CADPS2: variants seen among roughly 807,000 people sequenced by gnomAD.
CADPS2 encodes the protein calcium dependent secretion activator 2.
CADPS2 carries 93 observed loss-of-function variants against 172.5 expected under a neutral mutation model. That is an observed-to-expected ratio of 0.54 (90% CI 0.46 to 0.64). The LOEUF (loss-of-function observed/expected upper bound fraction) is 0.64, where lower values mean the gene tolerates loss of function less well. Among genes scored for constraint, CADPS2 ranks in the 30% least tolerant of loss-of-function variants. CADPS2 has a pLI of 0.00. For missense variants in CADPS2, 1,420 were observed against 1,565.9 expected (o/e 0.91, Z 1.57); for synonymous variants, 546 against 555.2 (o/e 0.98, Z 0.23).
intron 28 of CADPS2, among the ~76,000 whole-genome samples, chr7:122,332,622 C>T (rs1332688344): frequency 1.3e-5 from 2 of 152,056 alleles, no homozygotes; most frequent in East Asian, 3.9e-4. Context: ...TGCTGAAAAA[C>T]TTTCCTATCT....
intron 3 of CADPS2, among the ~76,000 whole-genome samples, chr7:122,654,589 T>C (rs191344808): frequency 2.0e-5 from 3 of 152,172 alleles, no homozygotes; most frequent in Admixed American, 6.5e-5. Context: ...ATACTGAATA[T>C]TGAGACTTCT....
chr7:122,831,116 A>G (rs1043309849), intron 1 of CADPS2, among the ~76,000 whole-genome samples: 1 of 152,208 alleles, frequency 6.6e-6, no homozygotes, highest in Non-Finnish European at 1.5e-5. Context: ...GCAAAACTCA[A>G]TGACCTACAA....
At chr7:122,565,128 TG>T (rs2066284653) in intron 7 of CADPS2, among the ~76,000 whole-genome samples, 1 of 151,974 alleles carries the variant, frequency 6.6e-6, no homozygotes, top group Admixed American at 6.6e-5. Context: ...CTCGATATGA[TG>T]ATCACTATTC....
chr7:122,344,331 G>A (rs1041974061), intron 28 of CADPS2, among the ~76,000 whole-genome samples: 1 of 152,128 alleles, frequency 6.6e-6, no homozygotes. Flanking sequence ...GGTGAATTAT[G>A]CAAAGTTATG....
chr7:122,872,900 G>T (rs901462829), intron 1 of CADPS2, among the ~76,000 whole-genome samples: 3 of 152,010 alleles, frequency 2.0e-5, no homozygotes, highest in Non-Finnish European at 4.4e-5. Context: ...CACAACCCAA[G>T]AACAAAACTG....
chr7:122,492,994 G>A (rs2058433587), intron 9 of CADPS2, among the ~76,000 whole-genome samples: 1 of 152,146 alleles, frequency 6.6e-6, no homozygotes, highest in South Asian at 2.1e-4. Flanking sequence ...AATAGACAGT[G>A]ATTACTTCAA....
At chr7:122,584,946 G>GA (rs200131174) in intron 6 of CADPS2, among the ~76,000 whole-genome samples, 59 of 151,304 alleles carry the variant, frequency 3.9e-4, no homozygotes, top group African/African-American at 8.5e-4. Flanking sequence ...TGCTCACAAA[G>GA]AAAAAAAAAT....
intron 8 of CADPS2, among the ~76,000 whole-genome samples, chr7:122,515,719 G>A (rs889451992): frequency 2.6e-5 from 4 of 152,170 alleles, no homozygotes; most frequent in East Asian, 3.9e-4. Flanking sequence ...TGCTGACAGT[G>A]AAGGTCCTGC....
At chr7:122,781,387 A>G (rs937676872) in intron 1 of CADPS2, among the ~76,000 whole-genome samples, 1 of 152,074 alleles carries the variant, frequency 6.6e-6, no homozygotes, top group Non-Finnish European at 1.5e-5. Context: ...TATTTGACAA[A>G]CTCAAATATT....
intron 1 of CADPS2, among the ~76,000 whole-genome samples, chr7:122,861,664 A>C (rs1306001415): frequency 6.6e-6 from 1 of 152,232 alleles, no homozygotes; most frequent in Non-Finnish European, 1.5e-5. Flanking sequence ...AACAACTAGA[A>C]TAGAGGATTT....
intron 28 of CADPS2, among the ~76,000 whole-genome samples, chr7:122,344,615 G>A (rs1000345912): frequency 6.6e-6 from 1 of 152,152 alleles, no homozygotes; most frequent in African/African-American, 2.4e-5. Flanking sequence ...TAGAGTGGCA[G>A]ATATTTGGCT....
At chr7:122,412,376 G>A (rs1008422584) in intron 19 of CADPS2, among the ~76,000 whole-genome samples, 1 of 151,820 alleles carries the variant, frequency 6.6e-6, no homozygotes, top group African/African-American at 2.4e-5. Flanking sequence ...GAGGAATAAG[G>A]GTACACACAA....
chr7:122,767,088 G>A (rs989259511), intron 1 of CADPS2, among the ~76,000 whole-genome samples: 1 of 152,100 alleles, frequency 6.6e-6, no homozygotes, highest in African/African-American at 2.4e-5. Context: ...TTCCAAAGCA[G>A]GTTTTAGTGC....
At chr7:122,398,484 A>G (rs1306192245) in intron 20 of CADPS2, among the ~76,000 whole-genome samples, 1 of 151,944 alleles carries the variant, frequency 6.6e-6, no homozygotes, top group Non-Finnish European at 1.5e-5. Flanking sequence ...TAGCAGCAAA[A>G]CAAACAGACA....
At position 122,652,264 on chromosome 7, in the gene CADPS2, T is replaced by C. The variant is rs184804578; in HGVS notation, c.786+10973A>G. On this transcript the variant is annotated intron_variant, in intron 3 of 29. Transcript: ENST00000449022. ...CTCTCTCTCTCTACATATATATATA[T>C]GCTCTGCATGATTATAGATAATGGG... Among the ~76,000 whole-genome samples the C allele has an allele frequency of 4.7e-3, 720 of 152,322 alleles. 6 individuals carry two copies. The highest frequency in any genetic ancestry group is 0.016 in the African/African-American group (686 of 41,586).
At chr7:122,687,898 C>G (rs762270570) in intron 2 of CADPS2, among the ~76,000 whole-genome samples, 8 of 152,068 alleles carry the variant, frequency 5.3e-5, no homozygotes, top group African/African-American at 9.7e-5. Context: ...ATGTATCAAG[C>G]CTTTTGTTAA....
intron 17 of CADPS2, among the ~76,000 whole-genome samples, chr7:122,433,502 C>G (rs1202586989): frequency 1.3e-5 from 2 of 150,514 alleles, no homozygotes; most frequent in African/African-American, 4.9e-5. Context: ...CTCCCAGGTT[C>G]AAGTGATTCT....
chr7:122,797,751 A>C (rs945769915), intron 1 of CADPS2, among the ~76,000 whole-genome samples: 1 of 152,162 alleles, frequency 6.6e-6, no homozygotes, highest in Non-Finnish European at 1.5e-5. Flanking sequence ...ATAAGGAAAA[A>C]TAACTAACAG....
At chr7:122,459,409 C>T (rs6949798) in intron 14 of CADPS2, among the ~76,000 whole-genome samples, 8,973 of 151,926 alleles carry the variant, frequency 0.059, 649 homozygotes, top group African/African-American at 0.17. Context: ...GTTAAATGCA[C>T]GATATTTTCA....
Sources: allele counts gnomAD v4.1 joint callset (sites outside exome capture counted in the v4.1 genomes callset), GRCh38; gene constraint gnomAD v4.1.1; transcripts MANE v1.5; gene names NCBI Gene and HGNC (gene_info 2026-07-23, HGNC 2026-07-21).